Variants in CIT observed in about 807,000 individuals in gnomAD.
CIT encodes citron Rho-interacting kinase.
A neutral mutation model predicts 272.7 loss-of-function variants in CIT; 79 were observed. The observed-to-expected ratio is 0.29, with a 90% CI of 0.24 to 0.35. CIT has a LOEUF of 0.35. Among genes scored for constraint, CIT ranks in the 10% least tolerant of loss-of-function variants. The pLI is 1.00. For synonymous variants in CIT, 948 were observed against 995.6 expected, an observed-to-expected ratio of 0.95 and a Z score of 0.90; for missense variants, 1,909 against 2,618.3, an observed-to-expected ratio of 0.73 and a Z score of 5.91.
chr12:119,775,771 T>C lies in CIT; in HGVS notation c.1941+15A>G, dbSNP rs778931218. Reference sequence around the variant, plus strand: ...TGGTGGGGGGTAAGTTCCTGAAAAATCACCTTGGGCTTACCTTCTCCAGTT... The same window carrying C: ...TGGTGGGGGGTAAGTTCCTGAAAAACCACCTTGGGCTTACCTTCTCCAGTT... On this transcript the variant is annotated intron_variant, in intron 16 of 47. Transcript: ENST00000392521. The C allele has an allele frequency of 1.2e-6, 2 of 1,610,678 alleles. No homozygotes were observed. Among genetic ancestry groups the C allele is most frequent in the Non-Finnish European group, 1.7e-6 (2 of 1,177,104 alleles).
In CIT at chr12:119,700,800, G is replaced by T; in HGVS notation, c.5568C>A (p.Tyr1856Ter). The change falls in exon 44 of 48, where the codon TAC (tyrosine) becomes TAA (stop). Residue 1856 changes from tyrosine (Y) to a stop codon, truncating the protein, a stop_gained. Coordinates refer to ENST00000392521, the MANE Select transcript of CIT (RefSeq NM_001206999.2). LOFTEE classifies it high-confidence loss of function. ...FHEFGVFVDS[Y>*]GRRSRTDDLK... is the part of the protein sequence containing the mutation. ...GATCGTCTGTGCGGCTACGTCTTCC[G>T]TAAGAATCCACGAACACTCCAAATT... 1 of 1,613,908 alleles carries T rather than the reference G, an allele frequency of 6.2e-7. No individual in the cohort carries two copies. The highest frequency in any genetic ancestry group is 8.5e-7 in the Non-Finnish European group (1 of 1,179,930).
chr12:119,876,197 A>G lies in CIT; in HGVS notation c.-13-16T>C. The G allele has an allele frequency of 1.3e-6, 2 of 1,541,020 alleles. No homozygotes were observed. The highest frequency in any genetic ancestry group is 1.8e-6 in the Non-Finnish European group (2 of 1,114,542). ...CCCACTGGCGCTGAAAGGATATCAG[A>G]AAAGTCAAGTGTGTCCTATGTTTTG... On this transcript the variant is annotated splice_polypyrimidine_tract_variant and intron_variant, in intron 1 of 47. Transcript: ENST00000392521.
chr12:119,712,482 G>A lies in CIT; in HGVS notation c.4684+109C>T. On this transcript the variant is annotated intron_variant, in intron 36 of 47. Transcript: ENST00000392521. The surrounding 1 kb of genome is among the most constrained non-coding windows in gnomAD (Gnocchi z 5.2). Reference sequence around the variant, plus strand: ...ACCGCCAAGGCGGGGAGCGGAGGAAGATGGGCCTCCTTTGCAGAGCCAATC... The same window carrying A: ...ACCGCCAAGGCGGGGAGCGGAGGAAAATGGGCCTCCTTTGCAGAGCCAATC... The A allele has an allele frequency of 7.2e-7, 1 of 1,391,336 alleles. No individual in the cohort carries two copies. The highest frequency in any genetic ancestry group is 1.3e-5 in the South Asian group (1 of 78,200). 86.2% of individuals were successfully genotyped at this position (1,391,336 alleles called of 1,614,324 possible).
At position 119,752,249 on chromosome 12, in the gene CIT, T is replaced by TGAGAGAGA. The variant is rs141931278; in HGVS notation, c.2707-3_2707-2insTCTCTCTC. 1 of 1,595,566 alleles carries TGAGAGAGA rather than the reference T, an allele frequency of 6.3e-7. No individual in the cohort carries two copies. The highest frequency in any genetic ancestry group is 1.3e-5 in the African/African-American group (1 of 74,094). On this transcript the variant is annotated splice_polypyrimidine_tract_variant and splice_region_variant and intron_variant, in intron 22 of 47. Coordinates refer to ENST00000392521, the MANE Select transcript of CIT (RefSeq NM_001206999.2). ...CTGCTCCTCGTGCTCTAGACTGACC[T>TGAGAGAGA]GAGACAGAGAGAGAGAGAGAAAGAG...
intron 8 of CIT, among the ~76,000 whole-genome samples, chr12:119,824,482 C>A (rs1968003105): frequency 6.6e-6 from 1 of 152,172 alleles, no homozygotes; most frequent in East Asian, 1.9e-4. Context: ...ATATCATAGA[C>A]TCATTGGCAA....
intron 13 of CIT, among the ~76,000 whole-genome samples, chr12:119,781,401 G>T (rs1402767140): frequency 1.3e-5 from 2 of 152,180 alleles, no homozygotes; most frequent in Non-Finnish European, 2.9e-5. Flanking sequence ...GTTATTTGCA[G>T]AAGTTTCTTG....
chr12:119,761,448 TC>T (rs1244777241), intron 19 of CIT, among the ~76,000 whole-genome samples: 1 of 152,200 alleles, frequency 6.6e-6, no homozygotes, highest in African/African-American at 2.4e-5. Context: ...GACAACTTTT[TC>T]TTCGCCAGTG....
chr12:119,698,756 T>A (rs999444630), intron 44 of CIT, among the ~76,000 whole-genome samples: 1 of 152,162 alleles, frequency 6.6e-6, no homozygotes, highest in Non-Finnish European at 1.5e-5. Context: ...TTACTGATTT[T>A]TAAAAAGCTG....
At position 119,804,403 on chromosome 12, in the gene CIT, C is replaced by A; in HGVS notation, c.1112-1014G>T. ...AGCATCACATCCCCCGCAGTGCAGG[C>A]TGCATGCTCCCGGCTCCGTGCGTGC... On this transcript the variant is annotated intron_variant, in intron 9 of 47. Transcript: ENST00000392521. The surrounding 1 kb of genome is among the most constrained non-coding windows in gnomAD (Gnocchi z 5.3). 1.0e-6 allele frequency: 1 copy of A among 985,696 alleles called. No homozygotes were observed. Among genetic ancestry groups the A allele is most frequent in the East Asian group, 1.1e-4 (1 of 8,808 alleles). 61.1% of individuals were successfully genotyped at this position (985,696 alleles called of 1,614,324 possible).
Position 119,822,975 on chromosome 12 carries a change from T to G in CIT, c.958-2A>C. The G allele has an allele frequency of 6.3e-7, 1 of 1,599,972 alleles. No homozygotes were observed. ...GTCATCTGGAAATTTCAAAAACCGC[T>G]GTTCCAAAAAAAATAAGAGAATTAT... is the stretch of plus-strand genomic sequence containing the variant. On this transcript the variant is annotated splice_acceptor_variant, in intron 8 of 47. Coordinates refer to ENST00000392521, the MANE Select transcript of CIT (RefSeq NM_001206999.2). LOFTEE classifies it high-confidence loss of function.
At chr12:119,849,679 CT>C (rs986578783) in intron 5 of CIT, among the ~76,000 whole-genome samples, 1 of 67,670 alleles carries the variant, frequency 1.5e-5, no homozygotes, top group Non-Finnish European at 4.9e-5. Flanking sequence ...GAGGCTGTTT[CT>C]TTTTTTTTCT....
At position 119,720,478 on chromosome 12, in the gene CIT, C is replaced by T. The variant is rs1392264537; in HGVS notation, c.3840G>A (p.Lys1280=). 1.2e-6 allele frequency: 2 copies of T among 1,605,516 alleles called. No homozygotes were observed. The highest frequency in any genetic ancestry group is 1.7e-6 in the Non-Finnish European group (2 of 1,176,036). ...CCACTTTTCAAACACTTTGACTCAC[C>T]TTTTTCTTTTTAGCAGGTTGGTCCA... The part of the protein sequence containing the change: ...AKMDQPAKKK[K]GLFSRRKEDP... Residue 1280 remains lysine, a splice_region_variant and synonymous_variant, in exon 30 of 48, where the codon AAG becomes AAA. Transcript: ENST00000392521.
intron 3 of CIT, among the ~76,000 whole-genome samples, chr12:119,866,486 G>A (rs1950519079): frequency 6.6e-6 from 1 of 152,036 alleles, no homozygotes; most frequent in Admixed American, 6.6e-5. Context: ...GAACTATTTT[G>A]GGCTTTGTAG....
At chr12:119,705,188 C>A (rs1412720439) in intron 40 of CIT, among the ~76,000 whole-genome samples, 1 of 152,224 alleles carries the variant, frequency 6.6e-6, no homozygotes, top group East Asian at 1.9e-4. Context: ...GCTGGGATTA[C>A]AAGTGTGAAC....
chr12:119,698,767 G>C (rs901886041), intron 44 of CIT, among the ~76,000 whole-genome samples: 6 of 152,078 alleles, frequency 3.9e-5, no homozygotes, highest in East Asian at 3.9e-4. Context: ...TAAAAAGCTG[G>C]AAAAAAGAAT....
chr12:119,819,294 G>A (rs1289341879), intron 9 of CIT, among the ~76,000 whole-genome samples: 1 of 152,132 alleles, frequency 6.6e-6, no homozygotes, highest in Non-Finnish European at 1.5e-5. Flanking sequence ...TAAGTATCCT[G>A]GAACTGGGTC....
intron 46 of CIT, among the ~76,000 whole-genome samples, chr12:119,692,740 G>A (rs924949049): frequency 4.6e-5 from 7 of 152,174 alleles, no homozygotes; most frequent in African/African-American, 1.7e-4. Context: ...CAGAGAAGTT[G>A]GTGTGCAGAG....
At chr12:119,798,546 G>A (rs1001153955) in intron 10 of CIT, among the ~76,000 whole-genome samples, 10 of 152,152 alleles carry the variant, frequency 6.6e-5, no homozygotes, top group African/African-American at 2.4e-4. Flanking sequence ...TGCCCTGTAA[G>A]GATGGGCTGT....
chr12:119,836,369 T>G (rs1162980776), intron 5 of CIT, among the ~76,000 whole-genome samples: 1 of 151,104 alleles, frequency 6.6e-6, no homozygotes, highest in Non-Finnish European at 1.5e-5. Context: ...CACACCTTCT[T>G]TCCCCCAAGT....
Sources: gnomAD v4.1 joint callset for allele counts (sites outside exome capture counted in the v4.1 genomes callset) on GRCh38, gnomAD v4.1.1 for gene constraint, Gnocchi (gnomAD v3.1) non-coding constraint, MANE v1.5 for transcripts, NCBI Gene and HGNC (gene_info 2026-07-23, HGNC 2026-07-21) for gene names.